The following TRMT11 variants were observed in gnomAD, a reference collection of about 807,000 sequenced individuals.
TRMT11 encodes the protein tRNA (guanine(10)-N(2))-methyltransferase TRMT11.
In TRMT11, 53 loss-of-function variants were observed where a neutral mutation model predicts 62.8. That is an observed-to-expected ratio of 0.84 (90% CI 0.68 to 1.06). TRMT11 has a LOEUF of 1.06. Among genes scored for constraint, TRMT11 ranks in the 50% least tolerant of loss-of-function variants. The probability of loss-of-function intolerance (pLI) is 0.00; values close to 1 mark genes in which losing one functional copy is unlikely to be tolerated. For synonymous variants in TRMT11, 188 were observed against 190.3 expected, an observed-to-expected ratio of 0.99 and a Z score of 0.10; for missense variants, 556 against 553.4, an observed-to-expected ratio of 1.00 and a Z score of -0.05.
intron 16 of TRMT11, among the ~76,000 whole-genome samples, chr6:126,044,661 C>T (rs936554110): frequency 4.6e-5 from 7 of 152,176 alleles, no homozygotes; most frequent in African/African-American, 1.4e-4. Context: ...TCCCCTGTCT[C>T]CCCCTCGCTT....
the TRMT11 span, among the ~76,000 whole-genome samples, chr6:126,264,307 C>G: frequency 6.6e-6 from 1 of 151,468 alleles, no homozygotes; most frequent in South Asian, 2.1e-4. Flanking sequence ...TTTAAATATG[C>G]CAATTATACT....
chr6:126,001,677 A>G (rs1312291634), intron 7 of TRMT11, among the ~76,000 whole-genome samples: 2 of 152,044 alleles, frequency 1.3e-5, no homozygotes, highest in Non-Finnish European at 2.9e-5. Context: ...GTAGTATTCT[A>G]TTCCTTATCC....
chr6:126,257,195 T>A, the TRMT11 span, among the ~76,000 whole-genome samples: 1 of 151,940 alleles, frequency 6.6e-6, no homozygotes, highest in East Asian at 1.9e-4. Context: ...CTAGCCTGTG[T>A]TTTAAGCGAG....
At chr6:126,040,383 A>G (rs1775839714), downstream of TRMT11, among the ~76,000 whole-genome samples, 1 of 152,112 alleles carries the variant, frequency 6.6e-6, no homozygotes, top group African/African-American at 2.4e-5. Flanking sequence ...CCCATTCCTG[A>G]AATGTCACTA....
intron 16 of TRMT11, among the ~76,000 whole-genome samples, chr6:126,044,954 G>A (rs1776004822): frequency 6.6e-6 from 1 of 152,134 alleles, no homozygotes. Flanking sequence ...GGGAGGCTGA[G>A]GCAGGTGGAT....
chr6:126,109,413 G>T (rs1777500984), intron 17 of TRMT11, among the ~76,000 whole-genome samples: 2 of 152,128 alleles, frequency 1.3e-5, no homozygotes, highest in South Asian at 4.1e-4. Context: ...ATTTGAGTTT[G>T]CCTGATGCTT....
At chr6:126,236,550 A>G in the TRMT11 span, among the ~76,000 whole-genome samples, 1 of 152,194 alleles carries the variant, frequency 6.6e-6, no homozygotes, top group South Asian at 2.1e-4. Flanking sequence ...CTTTCTAATC[A>G]TTTCTTAGAT....
rs777252659 is a variant in TRMT11 at position 126,038,698 on chromosome 6, C to CA, written c.1261-4dup. 3.3e-5 allele frequency: 50 copies of CA among 1,536,604 alleles called. No individual in the cohort carries two copies. The East Asian group carries it at 1.2e-3, about 36-fold the overall frequency. ...ATTTTTACATTTTGTATTTTCCAACCAAACAGAATCGGGACCAGTATTCAC... is the reference window on the plus strand; with the variant it reads ...ATTTTTACATTTTGTATTTTCCAACCAAAACAGAATCGGGACCAGTATTCAC... On this transcript the variant is annotated splice_region_variant and splice_polypyrimidine_tract_variant and intron_variant, in intron 12 of 12. Coordinates refer to ENST00000334379, the MANE Select transcript of TRMT11 (RefSeq NM_001031712.3).
At chr6:126,102,897 G>A (rs1384187727) in intron 17 of TRMT11, among the ~76,000 whole-genome samples, 1 of 152,138 alleles carries the variant, frequency 6.6e-6, no homozygotes. Flanking sequence ...TACAGCAGAG[G>A]GAACTGAGGT....
chr6:126,009,824 T>C (rs1240480213), intron 8 of TRMT11, among the ~76,000 whole-genome samples: 1 of 152,066 alleles, frequency 6.6e-6, no homozygotes, highest in Non-Finnish European at 1.5e-5. Context: ...AATTGTCTTA[T>C]ATAATTTACT....
At chr6:126,158,439 TAGA>T (rs1201997245) in intron 21 of TRMT11, among the ~76,000 whole-genome samples, 4 of 152,214 alleles carry the variant, frequency 2.6e-5, no homozygotes, top group Non-Finnish European at 5.9e-5. Context: ...TTGGCAATAC[TAGA>T]AGGAGTGTTT....
At chr6:126,128,364 A>C (rs1018215842) in intron 21 of TRMT11, among the ~76,000 whole-genome samples, 8 of 152,122 alleles carry the variant, frequency 5.3e-5, no homozygotes, top group Non-Finnish European at 1.2e-4. Flanking sequence ...TCACTTAGAG[A>C]TAAGAATATG....
intron 21 of TRMT11, among the ~76,000 whole-genome samples, chr6:126,135,531 G>C (rs1272040745): frequency 2.0e-5 from 3 of 151,644 alleles, no homozygotes; most frequent in Non-Finnish European, 4.4e-5. Context: ...GGACCTGAAG[G>C]ATTCACTGCT....
At chr6:126,151,899 TCTTTTC>T (rs1778056661) in intron 21 of TRMT11, among the ~76,000 whole-genome samples, 2 of 67,128 alleles carry the variant, frequency 3.0e-5, no homozygotes, top group African/African-American at 1.9e-4. Context: ...TCTTTTTCTT[TCTTTTC>T]TCTTTCTTTC....
chr6:126,039,535 G>A (rs1009467809), downstream of TRMT11, among the ~76,000 whole-genome samples: 1 of 151,968 alleles, frequency 6.6e-6, no homozygotes, highest in Non-Finnish European at 1.5e-5. Context: ...AGAAAGTAAC[G>A]GATAGTTAAA....
At chr6:126,123,525 A>G (rs1301977974) in intron 21 of TRMT11, among the ~76,000 whole-genome samples, 1 of 151,456 alleles carries the variant, frequency 6.6e-6, no homozygotes, top group Non-Finnish European at 1.5e-5. Context: ...ACTTCACTGG[A>G]TTTTTTTTTC....
chr6:126,128,936 C>T (rs1777750070), intron 21 of TRMT11, among the ~76,000 whole-genome samples: 1 of 131,458 alleles, frequency 7.6e-6, no homozygotes, highest in Non-Finnish European at 1.6e-5. Flanking sequence ...TTTTTTTGCA[C>T]AGCTTTCAAG....
chr6:125,990,973 G>A (rs567193567), intron 1 of TRMT11, among the ~76,000 whole-genome samples: 7 of 152,098 alleles, frequency 4.6e-5, no homozygotes, highest in South Asian at 2.1e-4. Flanking sequence ...GGGTCCGGGC[G>A]CAGTGGCTCA....
intron 1 of TRMT11, among the ~76,000 whole-genome samples, chr6:126,184,228 T>C (rs1269027401): frequency 6.6e-6 from 1 of 152,194 alleles, no homozygotes; most frequent in Non-Finnish European, 1.5e-5. Flanking sequence ...TAGTTTTTTC[T>C]ATACCTCTCA....
Sources: gnomAD v4.1 joint callset for allele counts (sites outside exome capture counted in the v4.1 genomes callset) on GRCh38, gnomAD v4.1.1 for gene constraint, MANE v1.5 for transcripts, NCBI Gene and HGNC (gene_info 2026-07-23, HGNC 2026-07-21) for gene names.